The following TMEM38B variants were observed in gnomAD, a reference collection of about 807,000 sequenced individuals.
The protein encoded by TMEM38B is transmembrane protein 38B, also known as trimeric intracellular cation channel type B.
TMEM38B carries 24 observed loss-of-function variants against 28.7 expected under a neutral mutation model. That is an observed-to-expected ratio of 0.84 (90% CI 0.61 to 1.18). The LOEUF is 1.18. Among genes scored for constraint, TMEM38B ranks in the 50% most tolerant of loss-of-function variants. The probability of loss-of-function intolerance (pLI) is 0.00; values close to 1 mark genes in which losing one functional copy is unlikely to be tolerated. For missense variants in TMEM38B, 380 were observed against 350.9 expected, an observed-to-expected ratio of 1.08 and a Z score of -0.66; for synonymous variants, 131 against 127.7, an observed-to-expected ratio of 1.03 and a Z score of -0.17.
At chr9:105,696,957 T>C (rs1835310195) in intron 1 of TMEM38B, among the ~76,000 whole-genome samples, 1 of 152,236 alleles carries the variant, frequency 6.6e-6, no homozygotes, top group African/African-American at 2.4e-5. Flanking sequence ...GCCACAACTA[T>C]TTAAAATTTT....
intron 1 of TMEM38B, among the ~76,000 whole-genome samples, chr9:105,695,116 C>T (rs772546520): frequency 1.3e-5 from 2 of 152,180 alleles, no homozygotes; most frequent in Non-Finnish European, 2.9e-5. Flanking sequence ...CACAGATATC[C>T]GCGCCAGCCC....
At position 105,694,707 on chromosome 9, in the gene TMEM38B, C is replaced by A; in HGVS notation, c.47C>A (p.Ser16Tyr). Reference protein sequence around the residue: ...DELALAFSRTSMFPFFDIAHY... With the variant: ...DELALAFSRTYMFPFFDIAHY... ...TTGGCTCTGGCCTTCTCCCGCACGT[C>A]CATGTTTCCCTTTTTTGACATCGCG... Residue 16 changes from serine (S) to tyrosine (Y), a missense_variant, in exon 1 of 6, where the codon TCC becomes TAC. Coordinates refer to ENST00000374692, the MANE Select transcript of TMEM38B (RefSeq NM_018112.3). 6.2e-7 allele frequency: 1 copy of A among 1,614,052 alleles called. No homozygotes were observed. The highest frequency in any genetic ancestry group is 8.5e-7 in the Non-Finnish European group (1 of 1,179,940).
Position 105,697,895 on chromosome 9 carries a change from T to C in TMEM38B, c.112+3123T>C, listed in dbSNP as rs191950438. On this transcript the variant is annotated intron_variant, in intron 1 of 5. Transcript: ENST00000374692. ...TTTTTTAAAAAATTCTATAGTTCTA[T>C]AAAAGTATAGGTTCGTAATCTATCT... Among the ~76,000 whole-genome samples, 125 of 152,298 alleles carry C rather than the reference T, an allele frequency of 8.2e-4. 1 individual carries two copies. The highest frequency in any genetic ancestry group is 2.7e-3 in the Admixed American group (42 of 15,302).
chr9:105,750,133 A>G (rs1024795573), intron 5 of TMEM38B, among the ~76,000 whole-genome samples: 10 of 152,036 alleles, frequency 6.6e-5, no homozygotes, highest in African/African-American at 2.4e-4. Context: ...AGGTATTTGT[A>G]TATCTTCTTT....
chr9:105,764,959 C>A (rs1257972329), intron 5 of TMEM38B, among the ~76,000 whole-genome samples: 17 of 152,122 alleles, frequency 1.1e-4, no homozygotes, highest in African/African-American at 4.1e-4. Flanking sequence ...TTTGACAAAC[C>A]TGAGAAAAAC....
At chr9:105,696,740 A>G (rs565260015) in intron 1 of TMEM38B, among the ~76,000 whole-genome samples, 38 of 152,178 alleles carry the variant, frequency 2.5e-4, no homozygotes, top group African/African-American at 8.7e-4. Flanking sequence ...CCGACCCCCA[A>G]CCCCCAACCA....
Position 105,760,685 on chromosome 9 carries a change from G to C in TMEM38B, c.660+12495G>C, listed in dbSNP as rs377258450. 6 of 1,203,296 alleles carry C rather than the reference G, an allele frequency of 5.0e-6. No individual in the cohort carries two copies. In the Admixed American group the frequency reaches 7.1e-5, roughly 14 times the overall value. The allele number at this position is 1,203,296 out of a possible 1,614,324, so 74.5% of individuals were successfully genotyped here. A position where few individuals can be genotyped will look rare whatever the true frequency, so the allele number is the denominator to read the frequency against. On this transcript the variant is annotated intron_variant, in intron 5 of 5. Transcript: ENST00000374692. The stretch of plus-strand genomic sequence containing the variant: ...ACGGAGATTGAAGCAGCACTTTTTG[G>C]TGACAAACCTACAATCAAGCAACCA...
chr9:105,752,901 G>A (rs1467459139), intron 5 of TMEM38B, among the ~76,000 whole-genome samples: 2 of 151,112 alleles, frequency 1.3e-5, no homozygotes, highest in Admixed American at 6.6e-5. Context: ...CTAACCCAAT[G>A]GAAAGAAGCT....
chr9:105,701,363 A>G (rs1835455311), intron 1 of TMEM38B: 1 of 152,212 alleles, frequency 6.6e-6, no homozygotes. Context: ...TGATTTCTCA[A>G]TGTGATCAAA....
intron 1 of TMEM38B, among the ~76,000 whole-genome samples, chr9:105,695,458 A>G (rs1187196064): frequency 3.3e-5 from 5 of 152,194 alleles, no homozygotes; most frequent in South Asian, 2.1e-4. Context: ...TAGTTTCACT[A>G]TCTGCAGAAT....
intron 5 of TMEM38B, chr9:105,760,564 A>T: frequency 1.3e-6 from 1 of 743,744 alleles, no homozygotes; most frequent in East Asian, 2.4e-5. Flanking sequence ...AGAAAATGTT[A>T]TTAAAAACAA....
chr9:105,755,340 A>G (rs989894262), intron 5 of TMEM38B, among the ~76,000 whole-genome samples: 1 of 152,140 alleles, frequency 6.6e-6, no homozygotes, highest in Non-Finnish European at 1.5e-5. Context: ...TAGCTAATGG[A>G]TGCTGGGCTT....
At chr9:105,763,027 CA>C (rs1216632681) in intron 5 of TMEM38B, among the ~76,000 whole-genome samples, 5 of 147,630 alleles carry the variant, frequency 3.4e-5, no homozygotes, top group Non-Finnish European at 7.4e-5. Context: ...AGCATTTTTT[CA>C]TGTGTTTTTT....
chr9:105,745,473 G>C (rs559149192), intron 4 of TMEM38B, among the ~76,000 whole-genome samples: 5 of 152,232 alleles, frequency 3.3e-5, no homozygotes, highest in African/African-American at 1.2e-4. Context: ...GTTCTTTGTA[G>C]ATTCTGGATA....
At chr9:105,729,884 T>C (rs1341837992) in intron 4 of TMEM38B, among the ~76,000 whole-genome samples, 6 of 152,166 alleles carry the variant, frequency 3.9e-5, no homozygotes, top group African/African-American at 1.4e-4. Flanking sequence ...TCTCGGTCTG[T>C]TCTTGGTGTA....
intron 2 of TMEM38B, among the ~76,000 whole-genome samples, chr9:105,720,773 C>G (rs767567047): frequency 6.6e-6 from 1 of 151,940 alleles, no homozygotes; most frequent in Non-Finnish European, 1.5e-5. Context: ...AAATTGTCAG[C>G]CAGAGTATTT....
chr9:105,737,722 G>C (rs1837040069), intron 4 of TMEM38B, among the ~76,000 whole-genome samples: 1 of 152,184 alleles, frequency 6.6e-6, no homozygotes, highest in African/African-American at 2.4e-5. Flanking sequence ...TGCCAAGGGG[G>C]ATCAACTGCT....
rs1366742718 is a variant in TMEM38B at position 105,721,591 on chromosome 9, A to G, written c.324A>G (p.Leu108=). ...HDLVSQGYSY[L]PVQLLASGMK... is the part of the protein sequence containing the mutation. ...TAGTTTCCCAGGGCTATTCATATCT[A>G]CCTGTTCAACTACTGGCTTCGGGAA... is the stretch of plus-strand genomic sequence containing the variant. Residue 108 remains leucine (L), a synonymous_variant, in exon 3 of 6, where the codon CTA becomes CTG. Coordinates refer to ENST00000374692, the MANE Select transcript of TMEM38B (RefSeq NM_018112.3). 1.2e-6 allele frequency: 2 copies of G among 1,613,368 alleles called. No individual in the cohort carries two copies. Among genetic ancestry groups the G allele is most frequent in the Non-Finnish European group, 1.7e-6 (2 of 1,179,630 alleles).
chr9:105,721,392 T>C (rs1239640083), intron 2 of TMEM38B, 145 bp from the exon 3 acceptor site: 2 of 641,668 alleles, frequency 3.1e-6, no homozygotes, highest in Admixed American at 7.0e-5. Context: ...ACCCAAGTTG[T>C]GCTTTTATTG....
Sources: allele counts gnomAD v4.1 joint callset (sites outside exome capture counted in the v4.1 genomes callset), GRCh38; gene constraint gnomAD v4.1.1; transcripts MANE v1.5; gene names NCBI Gene and HGNC (gene_info 2026-07-23, HGNC 2026-07-21).